PTPRD: variants seen among roughly 807,000 people sequenced by gnomAD.
PTPRD encodes the protein protein tyrosine phosphatase receptor type D.
A neutral mutation model predicts 214.5 loss-of-function variants in PTPRD; 34 were observed. That is an observed-to-expected ratio of 0.16 (90% CI 0.12 to 0.21). The LOEUF (loss-of-function observed/expected upper bound fraction) is 0.21. PTPRD is among the 10% of genes least tolerant of loss of function. PTPRD has a pLI of 1.00. For missense variants in PTPRD, 2,545 were observed against 2,398.7 expected, an observed-to-expected ratio of 1.06 and a Z score of -1.27; for synonymous variants, 1,128 against 845.7, an observed-to-expected ratio of 1.33 and a Z score of -5.79.
chr9:9,114,352 C>T (rs963527238), intron 10 of PTPRD, among the ~76,000 whole-genome samples: 4 of 152,052 alleles, frequency 2.6e-5, no homozygotes, highest in East Asian at 1.9e-4. Context: ...TGATAAGAAT[C>T]GTTTTTAGAG....
intron 4 of PTPRD, among the ~76,000 whole-genome samples, chr9:9,949,719 C>A (rs2093241962): frequency 6.6e-6 from 1 of 152,090 alleles, no homozygotes; most frequent in Admixed American, 6.5e-5. Context: ...AAAAAAAATG[C>A]TTTCTCATTC....
chr9:8,536,152 T>C (rs539156774), intron 14 of PTPRD, among the ~76,000 whole-genome samples: 28 of 152,016 alleles, frequency 1.8e-4, no homozygotes, highest in African/African-American at 6.5e-4. Flanking sequence ...GTCTTTCAGC[T>C]CTAGATTTGG....
intron 12 of PTPRD, among the ~76,000 whole-genome samples, chr9:8,645,541 A>C (rs2096668464): frequency 6.6e-6 from 1 of 152,196 alleles, no homozygotes; most frequent in South Asian, 2.1e-4. Flanking sequence ...ATGAGTATTA[A>C]AGCATTTCCC....
At chr9:10,483,097 T>C (rs1408879454) in intron 2 of PTPRD, among the ~76,000 whole-genome samples, 1 of 152,112 alleles carries the variant, frequency 6.6e-6, no homozygotes, top group Non-Finnish European at 1.5e-5. Flanking sequence ...CACAGATCAA[T>C]GGAACACAAT....
chr9:9,209,769 A>T (rs2099947332), intron 9 of PTPRD, among the ~76,000 whole-genome samples: 1 of 152,176 alleles, frequency 6.6e-6, no homozygotes, highest in Non-Finnish European at 1.5e-5. Context: ...GAAAATATTT[A>T]AAAATATATA....
chr9:10,382,870 T>G (rs1421851167), intron 2 of PTPRD, among the ~76,000 whole-genome samples: 1 of 151,866 alleles, frequency 6.6e-6, no homozygotes, highest in African/African-American at 2.4e-5. Context: ...TAAAAGCTTC[T>G]GATAGAATCT....
At chr9:9,550,325 A>C (rs2079879635) in intron 8 of PTPRD, among the ~76,000 whole-genome samples, 1 of 151,262 alleles carries the variant, frequency 6.6e-6, no homozygotes, top group African/African-American at 2.4e-5. Context: ...AATTTCTTAT[A>C]ATCTCTCTCC....
intron 7 of PTPRD, among the ~76,000 whole-genome samples, chr9:9,588,554 G>A (rs1053815922): frequency 2.0e-5 from 3 of 151,918 alleles, no homozygotes; most frequent in African/African-American, 4.8e-5. Flanking sequence ...TGATGATCAA[G>A]TTTATCTTAT....
At chr9:10,141,286 A>G (rs1403405937) in intron 3 of PTPRD, among the ~76,000 whole-genome samples, 1 of 152,156 alleles carries the variant, frequency 6.6e-6, no homozygotes, top group Non-Finnish European at 1.5e-5. Context: ...AAGGGCATTC[A>G]ATTAGGAAAA....
Position 9,934,961 on chromosome 9 carries a change from G to C in PTPRD, c.-368+3546C>G, listed in dbSNP as rs183919635. Among the ~76,000 whole-genome samples the C allele has an allele frequency of 2.9e-3, 435 of 152,130 alleles. 2 individuals carry two copies. The highest frequency in any genetic ancestry group is 9.9e-3 in the African/African-American group (409 of 41,496). On this transcript the variant is annotated intron_variant, in intron 5 of 45. Coordinates refer to ENST00000381196, the MANE Select transcript of PTPRD (RefSeq NM_002839.4). ...AAATATAATCCAGCATATAAACAGA[G>C]CCAAAGACAAAAACCACATGATTAT... is the stretch of plus-strand genomic sequence containing the variant.
chr9:8,727,160 CT>C (rs1263618957), intron 12 of PTPRD, among the ~76,000 whole-genome samples: 1 of 152,138 alleles, frequency 6.6e-6, no homozygotes, highest in East Asian at 1.9e-4. Flanking sequence ...TTGTTCCATC[CT>C]TAGAGTTTAG....
At chr9:9,218,764 C>T (rs2099953934) in intron 9 of PTPRD, among the ~76,000 whole-genome samples, 2 of 152,148 alleles carry the variant, frequency 1.3e-5, no homozygotes, top group Middle Eastern at 3.4e-3. Flanking sequence ...AGAATACAAG[C>T]AAAGAGCAGC....
At chr9:9,018,454 A>G (rs1414243177) in intron 11 of PTPRD, among the ~76,000 whole-genome samples, 2 of 152,200 alleles carry the variant, frequency 1.3e-5, no homozygotes, top group Admixed American at 6.5e-5. Context: ...ATTTCACTCC[A>G]TCTATATACA....
chr9:9,892,792 T>G (rs928230090), intron 5 of PTPRD, among the ~76,000 whole-genome samples: 11 of 151,686 alleles, frequency 7.3e-5, no homozygotes, highest in Non-Finnish European at 1.5e-4. Flanking sequence ...AATGGAAAGC[T>G]TGAGTGGTAT....
intron 9 of PTPRD, among the ~76,000 whole-genome samples, chr9:9,386,655 T>G (rs1237701092): frequency 1.3e-5 from 2 of 152,144 alleles, no homozygotes; most frequent in African/African-American, 4.8e-5. Context: ...ATTAAAATAT[T>G]TCCTAATTTT....
chr9:9,423,882 C>T (rs926870304), intron 8 of PTPRD, among the ~76,000 whole-genome samples: 14 of 152,026 alleles, frequency 9.2e-5, no homozygotes, highest in South Asian at 2.1e-4. Flanking sequence ...ACAAAACTTA[C>T]GAGAAACAAT....
chr9:8,865,891 GGATT>G (rs1431694502), intron 11 of PTPRD, among the ~76,000 whole-genome samples: 2 of 152,090 alleles, frequency 1.3e-5, no homozygotes, highest in African/African-American at 4.8e-5. Flanking sequence ...GGGAGTGGAT[GGATT>G]CGTAGTTCCA....
At chr9:10,154,407 T>C (rs1355707633) in intron 3 of PTPRD, among the ~76,000 whole-genome samples, 2 of 152,166 alleles carry the variant, frequency 1.3e-5, no homozygotes, top group Admixed American at 6.6e-5. Flanking sequence ...AATTCTGCCA[T>C]TCTGTAGGTT....
intron 5 of PTPRD, among the ~76,000 whole-genome samples, chr9:9,802,833 C>T (rs1184038356): frequency 1.3e-5 from 2 of 151,794 alleles, no homozygotes; most frequent in Non-Finnish European, 2.9e-5. Flanking sequence ...ATGAAACAAA[C>T]TTACAATTGT....
Sources: gnomAD v4.1 joint callset for allele counts (sites outside exome capture counted in the v4.1 genomes callset) on GRCh38, gnomAD v4.1.1 for gene constraint, MANE v1.5 for transcripts, NCBI Gene and HGNC (gene_info 2026-07-23, HGNC 2026-07-21) for gene names.